Variants in BST1 observed in about 807,000 individuals in gnomAD.
BST1 encodes bone marrow stromal cell antigen 1.
In BST1, 49 loss-of-function variants were observed where a neutral mutation model predicts 40.6. That is an observed-to-expected ratio of 1.21 (90% CI 0.96 to 1.53). The LOEUF (loss-of-function observed/expected upper bound fraction) is 1.53. BST1 is among the 40% of genes most tolerant of loss of function. BST1 has a pLI of 0.00. For missense variants in BST1, 423 were observed against 395.9 expected (o/e 1.07, Z -0.58); for synonymous variants, 157 against 159.3 (o/e 0.99, Z 0.11).
At chr4:15,755,295 C>T in the BST1 span, among the ~76,000 whole-genome samples, 11 of 152,016 alleles carry the variant, frequency 7.2e-5, no homozygotes, top group Admixed American at 3.3e-4. Context: ...TGCACCACCA[C>T]GCCTGGCTAA....
chr4:15,739,045 A>T (rs2148900822), downstream of BST1, among the ~76,000 whole-genome samples: 1 of 152,322 alleles, frequency 6.6e-6, no homozygotes, highest in Non-Finnish European at 1.5e-5. Context: ...AGGCATTTGA[A>T]ACCCAGAACT....
chr4:15,753,212 T>A, the BST1 span, among the ~76,000 whole-genome samples: 6 of 152,352 alleles, frequency 3.9e-5, no homozygotes, highest in South Asian at 1.2e-3. Flanking sequence ...GCTGCATTCT[T>A]CTTCTAAAAT....
the BST1 span, among the ~76,000 whole-genome samples, chr4:15,746,944 T>C: frequency 6.6e-6 from 1 of 152,188 alleles, no homozygotes; most frequent in East Asian, 1.9e-4. Context: ...CAGCTCAGAC[T>C]CTGTGATCAA....
At chr4:15,741,637 T>A (rs1481693207), downstream of BST1, among the ~76,000 whole-genome samples, 2 of 152,152 alleles carry the variant, frequency 1.3e-5, no homozygotes, top group Non-Finnish European at 2.9e-5. Flanking sequence ...CATTTTTAAA[T>A]GGTTGAAAAA....
the BST1 span, among the ~76,000 whole-genome samples, chr4:15,768,326 T>C: frequency 3.9e-5 from 6 of 152,240 alleles, no homozygotes; most frequent in Admixed American, 6.5e-5. Context: ...AAACTTTCCC[T>C]GTTTAGAGCA....
At chr4:15,726,030 C>G (rs887047797) in intron 8 of BST1, among the ~76,000 whole-genome samples, 1 of 136,370 alleles carries the variant, frequency 7.3e-6, no homozygotes, top group African/African-American at 2.6e-5. Flanking sequence ...GGCACAATCA[C>G]GGCTCACTGC....
intron 4 of BST1, among the ~76,000 whole-genome samples, 156 bp downstream of exon 4, chr4:15,712,045 A>C (rs960051189): frequency 1.6e-4 from 24 of 152,152 alleles, no homozygotes; most frequent in African/African-American, 5.3e-4. Flanking sequence ...TTGCTATATA[A>C]AGTTGTGAGA....
chr4:15,712,350 C>G (rs1234880315), intron 4 of BST1, among the ~76,000 whole-genome samples: 2 of 152,154 alleles, frequency 1.3e-5, no homozygotes, highest in Non-Finnish European at 2.9e-5. Context: ...CAGAAATGGT[C>G]CCCTGAAGGT....
chr4:15,746,459 G>A, the BST1 span, among the ~76,000 whole-genome samples: 1 of 152,182 alleles, frequency 6.6e-6, no homozygotes, highest in African/African-American at 2.4e-5. Flanking sequence ...TATCTGGTGG[G>A]GCCATTCCAT....
intron 7 of BST1, among the ~76,000 whole-genome samples, chr4:15,719,999 A>C (rs1272059225): frequency 6.6e-6 from 1 of 152,200 alleles, no homozygotes; most frequent in Non-Finnish European, 1.5e-5. Context: ...TAATCTATGT[A>C]CAGAAAAATA....
At chr4:15,729,154 G>A (rs186580392) in intron 8 of BST1, among the ~76,000 whole-genome samples, 1 of 152,258 alleles carries the variant, frequency 6.6e-6, no homozygotes, top group Admixed American at 6.5e-5. Context: ...TAATATTTAA[G>A]TTGAAAATAA....
downstream of BST1, among the ~76,000 whole-genome samples, chr4:15,740,406 G>C (rs1721715359): frequency 6.6e-6 from 1 of 152,136 alleles, no homozygotes; most frequent in Non-Finnish European, 1.5e-5. Flanking sequence ...AGATGAAACA[G>C]AGTCCTTTGG....
At chr4:15,734,289 C>A (rs987471108), downstream of BST1, among the ~76,000 whole-genome samples, 3 of 152,014 alleles carry the variant, frequency 2.0e-5, no homozygotes, top group Non-Finnish European at 4.4e-5. Flanking sequence ...TTGCATGAAT[C>A]CAAGTGTTCG....
chr4:15,721,615 T>C (rs889945051), intron 7 of BST1, among the ~76,000 whole-genome samples: 8 of 142,146 alleles, frequency 5.6e-5, no homozygotes, highest in African/African-American at 2.1e-4. Flanking sequence ...ATGAGAACCC[T>C]TGGACACAGG....
downstream of BST1, among the ~76,000 whole-genome samples, chr4:15,739,719 T>A (rs964332923): frequency 1.3e-5 from 2 of 152,088 alleles, no homozygotes; most frequent in Admixed American, 1.3e-4. Flanking sequence ...TTTAAAATAG[T>A]TAACATACAG....
chr4:15,740,074 G>C (rs746758261), downstream of BST1, among the ~76,000 whole-genome samples: 1 of 152,074 alleles, frequency 6.6e-6, no homozygotes, highest in African/African-American at 2.4e-5. Flanking sequence ...GGGCAGGGGG[G>C]ACTGAATCTC....
chr4:15,742,142 C>A (rs1164336907), downstream of BST1, among the ~76,000 whole-genome samples: 3 of 152,200 alleles, frequency 2.0e-5, no homozygotes, highest in African/African-American at 7.2e-5. Context: ...ATTATTTAAG[C>A]CAGATTAAGT....
chr4:15,773,922 A>G, the BST1 span, among the ~76,000 whole-genome samples: 1 of 152,198 alleles, frequency 6.6e-6, no homozygotes, highest in East Asian at 1.9e-4. Flanking sequence ...TCTCCGTTAT[A>G]TTTACTGGTG....
chr4:15,710,423 A>C (rs1720127324), intron 3 of BST1, among the ~76,000 whole-genome samples: 1 of 152,112 alleles, frequency 6.6e-6, no homozygotes, highest in African/African-American at 2.4e-5. Flanking sequence ...AACATTTACT[A>C]TTTCTTTGTG....
Sources: gnomAD v4.1 joint callset for allele counts (sites outside exome capture counted in the v4.1 genomes callset) on GRCh38, gnomAD v4.1.1 for gene constraint, MANE v1.5 for transcripts, NCBI Gene and HGNC (gene_info 2026-07-23, HGNC 2026-07-21) for gene names.